Variants in PDSS2 observed in about 807,000 individuals in gnomAD.
The protein encoded by PDSS2 is all trans-polyprenyl-diphosphate synthase PDSS2.
In PDSS2, 31 loss-of-function variants were observed where a neutral mutation model predicts 44.5. The ratio of observed to expected loss-of-function variants is 0.70; its 90% CI spans 0.52 to 0.94. The LOEUF is 0.94. PDSS2 is among the 40% of genes least tolerant of loss of function. PDSS2 has a pLI of 0.00. For synonymous variants in PDSS2, 157 were observed against 180.3 expected (o/e 0.87, Z 1.03); for missense variants, 452 against 482.2 (o/e 0.94, Z 0.59).
At chr6:107,253,794 G>C (rs1279593833) in intron 3 of PDSS2, among the ~76,000 whole-genome samples, 1 of 152,066 alleles carries the variant, frequency 6.6e-6, no homozygotes, top group Non-Finnish European at 1.5e-5. Context: ...GTCATTTATT[G>C]ATCACTGACT....
At chr6:107,441,929 G>C (rs1583090764) in intron 1 of PDSS2, among the ~76,000 whole-genome samples, 1 of 152,258 alleles carries the variant, frequency 6.6e-6, no homozygotes, top group African/African-American at 2.4e-5. Flanking sequence ...AGACCAAACA[G>C]ACCCCCTCTC....
chr6:107,206,412 CTT>C (rs1343720607), intron 6 of PDSS2, among the ~76,000 whole-genome samples: 1 of 152,100 alleles, frequency 6.6e-6, no homozygotes, highest in Non-Finnish European at 1.5e-5. Flanking sequence ...TAATGCATCT[CTT>C]GTCTAAGAGA....
At chr6:107,243,585 A>G (rs959966423) in intron 4 of PDSS2, among the ~76,000 whole-genome samples, 1 of 152,258 alleles carries the variant, frequency 6.6e-6, no homozygotes, top group Non-Finnish European at 1.5e-5. Flanking sequence ...ATCCCAAGGG[A>G]AAACAGTGTC....
At chr6:107,398,064 T>C (rs1385153615) in intron 1 of PDSS2, among the ~76,000 whole-genome samples, 1 of 152,162 alleles carries the variant, frequency 6.6e-6, no homozygotes, top group African/African-American at 2.4e-5. Context: ...CAGATTCCAC[T>C]CTGTAACTAA....
At chr6:107,392,714 C>G (rs1779821464) in intron 1 of PDSS2, among the ~76,000 whole-genome samples, 1 of 152,160 alleles carries the variant, frequency 6.6e-6, no homozygotes, top group Non-Finnish European at 1.5e-5. Context: ...AGTATTGATA[C>G]AGGTGACTTG....
chr6:107,451,813 C>G (rs945807843), intron 1 of PDSS2, among the ~76,000 whole-genome samples: 1 of 152,132 alleles, frequency 6.6e-6, no homozygotes, highest in Non-Finnish European at 1.5e-5. Flanking sequence ...CTGGACACAC[C>G]TTATGAACTC....
At chr6:107,273,590 T>C (rs1775676139) in intron 3 of PDSS2, among the ~76,000 whole-genome samples, 2 of 151,866 alleles carry the variant, frequency 1.3e-5, no homozygotes, top group Admixed American at 1.3e-4. Context: ...TAAGAAAAAA[T>C]AGGCAGGATT....
intron 1 of PDSS2, among the ~76,000 whole-genome samples, chr6:107,429,498 T>C (rs1214067334): frequency 6.6e-6 from 1 of 152,116 alleles, no homozygotes; most frequent in South Asian, 2.1e-4. Context: ...ATCTAAACAC[T>C]CTTTGGCCTC....
chr6:107,397,257 C>T (rs902028355), intron 1 of PDSS2, among the ~76,000 whole-genome samples: 2 of 151,718 alleles, frequency 1.3e-5, no homozygotes, highest in African/African-American at 4.8e-5. Flanking sequence ...ATATTATTTG[C>T]TCTTCTGTGT....
At chr6:107,210,895 C>T (rs1423080779) in intron 5 of PDSS2, among the ~76,000 whole-genome samples, 1 of 151,122 alleles carries the variant, frequency 6.6e-6, no homozygotes, top group African/African-American at 2.4e-5. Flanking sequence ...ACTAGGGAGG[C>T]TGAAGCAGGA....
chr6:107,378,027 A>G (rs894310613), intron 1 of PDSS2, among the ~76,000 whole-genome samples: 2 of 151,418 alleles, frequency 1.3e-5, no homozygotes, highest in Non-Finnish European at 2.9e-5. Flanking sequence ...CCTAAAACTT[A>G]AAGTATAATA....
chr6:107,287,813 G>A (rs1267249282), intron 2 of PDSS2, among the ~76,000 whole-genome samples: 1 of 150,618 alleles, frequency 6.6e-6, no homozygotes. Context: ...GAGCCACTGT[G>A]CCTGGCCCAA....
At chr6:107,314,423 C>T (rs1037959618) in intron 2 of PDSS2, among the ~76,000 whole-genome samples, 3 of 152,164 alleles carry the variant, frequency 2.0e-5, no homozygotes, top group African/African-American at 7.2e-5. Flanking sequence ...TACAGTTTCC[C>T]ATATAACCAT....
At chr6:107,171,712 C>T (rs964310200) in intron 7 of PDSS2, among the ~76,000 whole-genome samples, 1 of 151,956 alleles carries the variant, frequency 6.6e-6, no homozygotes, top group Non-Finnish European at 1.5e-5. Flanking sequence ...ATGAGCATGG[C>T]GGGTGGTCTC....
intron 1 of PDSS2, among the ~76,000 whole-genome samples, chr6:107,402,482 A>ATATATACGTATATATATGTATATATG (rs1780157472): frequency 3.0e-5 from 4 of 132,156 alleles, no homozygotes; most frequent in Admixed American, 7.7e-5. Context: ...ATGTATACAT[A>ATATATACGTATATATATGTATATATG]TATACGTATA....
intron 4 of PDSS2, among the ~76,000 whole-genome samples, chr6:107,218,416 C>G (rs774252813): frequency 5.3e-5 from 8 of 152,184 alleles, no homozygotes; most frequent in Non-Finnish European, 1.2e-4. Flanking sequence ...CTAGATTTCT[C>G]ATTACTTTTG....
intron 1 of PDSS2, among the ~76,000 whole-genome samples, chr6:107,334,779 C>T (rs557076083): frequency 6.6e-6 from 1 of 151,428 alleles, no homozygotes; most frequent in African/African-American, 2.4e-5. Flanking sequence ...AACTCCTGGA[C>T]ACAAGCAATC....
At chr6:107,307,602 T>C (rs1340013762) in intron 2 of PDSS2, among the ~76,000 whole-genome samples, 2 of 152,018 alleles carry the variant, frequency 1.3e-5, no homozygotes, top group Admixed American at 6.6e-5. Context: ...CTGTGCAATG[T>C]CTTTATACTT....
intron 1 of PDSS2, among the ~76,000 whole-genome samples, chr6:107,433,526 G>C (rs1583078918): frequency 6.6e-6 from 1 of 152,172 alleles, no homozygotes; most frequent in African/African-American, 2.4e-5. Context: ...GGAAAGGACA[G>C]TCTCTTCAAT....
Sources: gnomAD v4.1 joint callset for allele counts (sites outside exome capture counted in the v4.1 genomes callset) on GRCh38, gnomAD v4.1.1 for gene constraint, MANE v1.5 for transcripts, NCBI Gene and HGNC (gene_info 2026-07-23, HGNC 2026-07-21) for gene names.